Variants in NXPH1 observed in about 807,000 individuals in gnomAD.
The protein encoded by NXPH1 is neurexophilin-1.
NXPH1 carries 5 observed loss-of-function variants against 23.7 expected under a neutral mutation model. The observed-to-expected ratio is 0.21, with a 90% CI of 0.11 to 0.44. The LOEUF (loss-of-function observed/expected upper bound fraction) is 0.44, where lower values mean the gene tolerates loss of function less well. Ranked by LOEUF, NXPH1 falls within the 20% of genes least tolerant of loss-of-function variation. The pLI is 0.99. For synonymous variants in NXPH1, 144 were observed against 122.2 expected (o/e 1.18, Z -1.18); for missense variants, 324 against 321.6 (o/e 1.01, Z -0.06).
chr7:8,693,905 A>G (rs1331807203), intron 2 of NXPH1, among the ~76,000 whole-genome samples: 3 of 152,200 alleles, frequency 2.0e-5, no homozygotes, highest in African/African-American at 7.2e-5. Flanking sequence ...CCCAGTTTGG[A>G]CAACAAATTA....
At chr7:8,605,030 A>G (rs1425071215) in intron 2 of NXPH1, among the ~76,000 whole-genome samples, 1 of 152,160 alleles carries the variant, frequency 6.6e-6, no homozygotes, top group Non-Finnish European at 1.5e-5. Context: ...AGAACTGCGT[A>G]CCATATTGCC....
chr7:8,617,604 C>A (rs1221350204), intron 2 of NXPH1, among the ~76,000 whole-genome samples: 1 of 151,894 alleles, frequency 6.6e-6, no homozygotes, highest in African/African-American at 2.4e-5. Flanking sequence ...ATCTAAAAAT[C>A]AAAACAATTG....
intron 2 of NXPH1, among the ~76,000 whole-genome samples, chr7:8,460,148 TC>T (rs1816668620): frequency 6.6e-6 from 1 of 152,182 alleles, no homozygotes; most frequent in Admixed American, 6.5e-5. Context: ...ATATCATTTT[TC>T]CCTAGGCTAG....
intron 2 of NXPH1, among the ~76,000 whole-genome samples, chr7:8,490,849 A>G (rs1817237667): frequency 6.6e-6 from 1 of 152,068 alleles, no homozygotes; most frequent in Non-Finnish European, 1.5e-5. Context: ...GTTTTACCAA[A>G]TACATTTTAT....
chr7:8,467,326 T>TGA (rs1200887873), intron 2 of NXPH1, among the ~76,000 whole-genome samples: 2 of 152,156 alleles, frequency 1.3e-5, no homozygotes, highest in Non-Finnish European at 2.9e-5. Context: ...AAACATCAGG[T>TGA]GATGAAGCCT....
At chr7:8,740,400 A>T (rs1780341624) in intron 2 of NXPH1, among the ~76,000 whole-genome samples, 1 of 152,176 alleles carries the variant, frequency 6.6e-6, no homozygotes, top group Non-Finnish European at 1.5e-5. Flanking sequence ...ACTACATACA[A>T]ATTTTTCAGT....
At chr7:8,628,380 T>G (rs796984760) in intron 2 of NXPH1, among the ~76,000 whole-genome samples, 3 of 142,576 alleles carry the variant, frequency 2.1e-5, no homozygotes, top group East Asian at 5.1e-4. Flanking sequence ...GTTTTTTTTT[T>G]TTTTTAGATA....
In NXPH1 at chr7:8,751,213, T is replaced by C. The variant is rs1780559419; in HGVS notation, c.260T>C (p.Leu87Pro). Residue 87 changes from leucine (L) to proline (P), a missense_variant, in exon 3 of 3, where the codon CTC becomes CCC. By Grantham distance (98) the Leu-to-Pro change is moderately conservative (BLOSUM62 -3). Transcript: ENST00000405863. This position sits in a 1 kb window ranked among gnomAD's most constrained non-coding sequence, Gnocchi z 4.5. ...DTPEPYSEQD[L>P]WDWLRNSTDL... The stretch of plus-strand genomic sequence containing the variant: ...CCAGAACCTTATTCTGAGCAAGACC[T>C]CTGGGACTGGCTGAGGAACTCCACA... 1.2e-6 allele frequency: 2 copies of C among 1,613,712 alleles called. No individual in the cohort carries two copies. The highest frequency in any genetic ancestry group is 1.7e-5 in the Admixed American group (1 of 59,918).
At chr7:8,458,416 T>C (rs143482822) in intron 2 of NXPH1, among the ~76,000 whole-genome samples, 98 of 152,336 alleles carry the variant, frequency 6.4e-4, no homozygotes, top group African/African-American at 1.9e-3. Context: ...TATACCCTGA[T>C]ACAGATTCTC....
At chr7:8,524,171 G>T (rs887837537) in intron 2 of NXPH1, among the ~76,000 whole-genome samples, 3 of 146,554 alleles carry the variant, frequency 2.0e-5, no homozygotes, top group African/African-American at 7.5e-5. Context: ...GAACCTGGGT[G>T]GTAGAGGTTG....
intron 2 of NXPH1, among the ~76,000 whole-genome samples, chr7:8,570,915 A>C (rs1351147295): frequency 6.6e-6 from 1 of 151,806 alleles, no homozygotes; most frequent in East Asian, 1.9e-4. Flanking sequence ...GATGAATTGC[A>C]ATTGAGGGAA....
At chr7:8,478,580 C>A (rs972959348) in intron 2 of NXPH1, among the ~76,000 whole-genome samples, 1 of 151,918 alleles carries the variant, frequency 6.6e-6, no homozygotes, top group Non-Finnish European at 1.5e-5. Context: ...GAGAACAGAA[C>A]AAATTCTAAA....
chr7:8,628,671 T>C (rs1820052042), intron 2 of NXPH1, among the ~76,000 whole-genome samples: 1 of 152,080 alleles, frequency 6.6e-6, no homozygotes. Flanking sequence ...TTCAGGAAGA[T>C]TCAACAATGT....
intron 2 of NXPH1, among the ~76,000 whole-genome samples, chr7:8,543,409 A>C (rs1490806645): frequency 1.3e-5 from 2 of 151,634 alleles, no homozygotes; most frequent in African/African-American, 2.4e-5. Context: ...CGACTAAAGC[A>C]ATATCACACA....
At chr7:8,627,685 C>G (rs1472440620) in intron 2 of NXPH1, among the ~76,000 whole-genome samples, 1 of 152,066 alleles carries the variant, frequency 6.6e-6, no homozygotes, top group Non-Finnish European at 1.5e-5. Context: ...TGCATTTTGA[C>G]TTTTAAAAGG....
At chr7:8,517,058 A>T (rs1193535255) in intron 2 of NXPH1, among the ~76,000 whole-genome samples, 1 of 152,158 alleles carries the variant, frequency 6.6e-6, no homozygotes, top group East Asian at 1.9e-4. Flanking sequence ...CCACAAATGT[A>T]CTGAGCACCT....
At chr7:8,456,521 C>T (rs1584166785) in intron 2 of NXPH1, among the ~76,000 whole-genome samples, 1 of 152,146 alleles carries the variant, frequency 6.6e-6, no homozygotes, top group Non-Finnish European at 1.5e-5. Context: ...TTTAAGGAAA[C>T]AGAGGTCTTA....
At chr7:8,481,818 C>T (rs191837390) in intron 2 of NXPH1, among the ~76,000 whole-genome samples, 39 of 152,220 alleles carry the variant, frequency 2.6e-4, no homozygotes, top group African/African-American at 9.1e-4. Context: ...TCAATCCTTG[C>T]CCCACTCCCT....
chr7:8,567,912 T>G (rs1482325971), intron 2 of NXPH1, among the ~76,000 whole-genome samples: 2 of 151,880 alleles, frequency 1.3e-5, no homozygotes, highest in Non-Finnish European at 2.9e-5. Context: ...GAGCTAGGAG[T>G]GGCCTTACAT....
Sources: gnomAD v4.1 joint callset for allele counts (sites outside exome capture counted in the v4.1 genomes callset) on GRCh38, gnomAD v4.1.1 for gene constraint, Gnocchi (gnomAD v3.1) non-coding constraint, MANE v1.5 for transcripts, NCBI Gene and HGNC (gene_info 2026-07-23, HGNC 2026-07-21) for gene names.